The following MPDZ variants were observed in gnomAD, a reference collection of about 807,000 sequenced individuals.
MPDZ encodes the protein multiple PDZ domain crumbs cell polarity complex component.
A neutral mutation model predicts 239.1 loss-of-function variants in MPDZ; 234 were observed. The observed-to-expected ratio is 0.98, with a 90% CI of 0.88 to 1.09. MPDZ has a LOEUF of 1.09. MPDZ is among the 50% of genes least tolerant of loss of function. The probability of loss-of-function intolerance (pLI) is 0.00; values close to 1 mark genes in which losing one functional copy is unlikely to be tolerated. For synonymous variants in MPDZ, 1,048 were observed against 881.3 expected, an observed-to-expected ratio of 1.19 and a Z score of -3.35; for missense variants, 3,175 against 2,510.0, an observed-to-expected ratio of 1.26 and a Z score of -5.66.
At chr9:13,259,454 G>C (rs1428732076) in intron 1 of MPDZ, among the ~76,000 whole-genome samples, 2 of 152,172 alleles carry the variant, frequency 1.3e-5, no homozygotes. Flanking sequence ...CTAGCATGTT[G>C]TCTAGTAGCA....
At chr9:13,240,580 T>TAAAA (rs71331533) in intron 3 of MPDZ, among the ~76,000 whole-genome samples, 15 of 44,018 alleles carry the variant, frequency 3.4e-4, no homozygotes, top group East Asian at 8.8e-4. Flanking sequence ...ATAATAAAAG[T>TAAAA]AAAAAAAAAA....
At chr9:13,245,425 A>G (rs2137618100) in intron 3 of MPDZ, among the ~76,000 whole-genome samples, 1 of 148,222 alleles carries the variant, frequency 6.7e-6, no homozygotes, top group East Asian at 1.9e-4. Flanking sequence ...AAAAAAAAAA[A>G]AGAAGAAGAA....
At chr9:13,221,287 G>C (rs1439873481) in intron 7 of MPDZ, 85 bp downstream of exon 7, 9 of 1,398,734 alleles carry the variant, frequency 6.4e-6, no homozygotes, top group Non-Finnish European at 8.5e-6. Context: ...TAAGGCCAAA[G>C]TTTCTTCTTT....
At chr9:13,146,066 G>T (rs1948394449) in intron 26 of MPDZ, among the ~76,000 whole-genome samples, 1 of 151,952 alleles carries the variant, frequency 6.6e-6, no homozygotes, top group South Asian at 2.1e-4. Flanking sequence ...TTAAACAAAT[G>T]GAATAGCTTT....
chr9:13,248,392 T>C (rs1045074981), intron 2 of MPDZ, among the ~76,000 whole-genome samples: 1 of 152,114 alleles, frequency 6.6e-6, no homozygotes, highest in African/African-American at 2.4e-5. Flanking sequence ...AAATAATTAT[T>C]GAACACTGTA....
At position 13,106,882 on chromosome 9, in the gene MPDZ, C is replaced by T. The variant is rs188761029; in HGVS notation, c.*83G>A. 1.3e-4 allele frequency: 193 copies of T among 1,473,036 alleles called. No homozygotes were observed. The highest frequency in any genetic ancestry group is 1.8e-4 in the Non-Finnish European group (189 of 1,072,460). The allele number at this position is 1,473,036 out of a possible 1,614,324, so 91.2% of individuals were successfully genotyped here. A position where few individuals can be genotyped will look rare whatever the true frequency, so the allele number is the denominator to read the frequency against. On this transcript the variant is annotated 3_prime_UTR_variant, in exon 47 of 47. Transcript: ENST00000319217. ...GTTTTGAAGACCCGGCTGAACACAG[C>T]ATAAAAATTGTCAGGACCAGTGCAT...
At chr9:13,142,503 C>T (rs1947855766) in intron 27 of MPDZ, among the ~76,000 whole-genome samples, 1 of 152,004 alleles carries the variant, frequency 6.6e-6, no homozygotes, top group Non-Finnish European at 1.5e-5. Context: ...ATTGTTTAGC[C>T]TTCCTTGTCA....
At position 13,158,040 on chromosome 9, in the gene MPDZ, T is replaced by A; in HGVS notation, c.3430A>T (p.Ser1144Cys). The A allele has an allele frequency of 6.2e-7, 1 of 1,612,734 alleles. No individual in the cohort carries two copies. The highest frequency in any genetic ancestry group is 8.5e-7 in the Non-Finnish European group (1 of 1,179,146). The change falls in exon 24 of 47, where the codon AGC (serine) becomes TGC (cysteine). Residue 1144 changes from serine (S) to cysteine (C), a missense_variant. Physicochemically the swap from Ser to Cys is moderately radical, Grantham distance 112. Coordinates refer to ENST00000319217, the MANE Select transcript of MPDZ (RefSeq NM_001378778.1). ...EESELQNTAY[S>C]NWNQPRRVEL... ...TACCGCCTGGGCTGATTCCAATTGC[T>A]ATATGCTGTGTTTTGAAGTTCGCTT... is the stretch of plus-strand genomic sequence containing the variant.
At chr9:13,107,462 A>T (rs28362550) in intron 46 of MPDZ, among the ~76,000 whole-genome samples, 1 of 152,136 alleles carries the variant, frequency 6.6e-6, no homozygotes, top group South Asian at 2.1e-4. Context: ...AGGATTTTCT[A>T]TCCTGTAAAT....
chr9:13,215,394 ATATC>A (rs1163090151), intron 10 of MPDZ, among the ~76,000 whole-genome samples: 1 of 151,256 alleles, frequency 6.6e-6, no homozygotes, highest in Non-Finnish European at 1.5e-5. Flanking sequence ...ATGTGTCTAT[ATATC>A]TATATATGTC....
chr9:13,111,982 G>A (rs772249485), intron 43 of MPDZ, 42 bp downstream of exon 43: 1 of 1,604,004 alleles, frequency 6.2e-7, no homozygotes, highest in Non-Finnish European at 8.5e-7. Context: ...AAACACTTCT[G>A]CACATTTTGC....
intron 1 of MPDZ, among the ~76,000 whole-genome samples, chr9:13,263,445 G>A (rs112637711): frequency 2.7e-5 from 4 of 148,956 alleles, no homozygotes; most frequent in African/African-American, 9.9e-5. Context: ...TAACTTATTC[G>A]GGAAAAAATA....
intron 40 of MPDZ, among the ~76,000 whole-genome samples, chr9:13,114,648 T>C (rs1020942041): frequency 3.3e-5 from 5 of 152,174 alleles, no homozygotes; most frequent in African/African-American, 1.2e-4. Flanking sequence ...ATGCCTGTAA[T>C]CCCAACACTT....
Position 13,168,392 on chromosome 9 carries a change from T to C in MPDZ, c.3228A>G (p.Arg1076=). ...TNAQARAMLR[R]HSLIGPDIKI... ...TTATGTCAGGGCCAATGAGAGAATG[T>C]CTTCTCAACATAGCTCGTGCCTGGG... is the stretch of plus-strand genomic sequence containing the variant. The change falls in exon 22 of 47, where the codon AGA becomes AGG. Residue 1076 remains arginine, a synonymous_variant. Coordinates refer to ENST00000319217, the MANE Select transcript of MPDZ (RefSeq NM_001378778.1). The C allele has an allele frequency of 6.2e-7, 1 of 1,613,216 alleles. No individual in the cohort carries two copies. The highest frequency in any genetic ancestry group is 8.5e-7 in the Non-Finnish European group (1 of 1,179,390).
chr9:13,136,854 GT>G, intron 29 of MPDZ, 51 bp from the exon 30 acceptor site: 2 of 1,079,092 alleles, frequency 1.9e-6, no homozygotes, highest in Non-Finnish European at 2.7e-6. Flanking sequence ...GTATCATAAA[GT>G]TTTATCATCC....
chr9:13,176,241 T>C lies in MPDZ; in HGVS notation c.2826A>G (p.Gln942=), dbSNP rs192375813. The C allele has an allele frequency of 1.2e-6, 2 of 1,606,982 alleles. No homozygotes were observed. Among genetic ancestry groups the C allele is most frequent in the East Asian group, 2.2e-5 (1 of 44,568 alleles). The change falls in exon 20 of 47, where the codon CAA becomes CAG. Residue 942 remains glutamine, a synonymous_variant. Coordinates refer to ENST00000319217, the MANE Select transcript of MPDZ (RefSeq NM_001378778.1). ...CTATTGTGTTTTCACATTCATATTG[T>C]TGTTCAATAGCATTTGCAGGTGTGT... The part of the protein sequence containing the change: ...NDYTPANAIE[Q]QYECENTIVW...
At chr9:13,122,835 G>A (rs1944557379) in intron 36 of MPDZ, among the ~76,000 whole-genome samples, 1 of 151,964 alleles carries the variant, frequency 6.6e-6, no homozygotes, top group Non-Finnish European at 1.5e-5. Context: ...TCTTAAAATG[G>A]GTTTAACCCA....
At chr9:13,248,514 T>G (rs1966938726) in intron 2 of MPDZ, among the ~76,000 whole-genome samples, 1 of 152,090 alleles carries the variant, frequency 6.6e-6, no homozygotes, top group Non-Finnish European at 1.5e-5. Context: ...AAATAATAGT[T>G]AAAAACCTTT....
intron 39 of MPDZ, among the ~76,000 whole-genome samples, chr9:13,116,715 A>G (rs1415183195): frequency 6.6e-6 from 1 of 152,172 alleles, no homozygotes; most frequent in Non-Finnish European, 1.5e-5. Context: ...AAGGGTTTTG[A>G]TTATTTAAAA....
Sources: allele counts gnomAD v4.1 joint callset (sites outside exome capture counted in the v4.1 genomes callset), GRCh38; gene constraint gnomAD v4.1.1; transcripts MANE v1.5; gene names NCBI Gene and HGNC (gene_info 2026-07-23, HGNC 2026-07-21).